The following TPTE variants were observed in gnomAD, a reference collection of about 807,000 sequenced individuals.
The protein encoded by TPTE is putative tyrosine-protein phosphatase TPTE.
In TPTE, 59 loss-of-function variants were observed where a neutral mutation model predicts 84.1. The observed-to-expected ratio is 0.70, with a 90% CI of 0.57 to 0.87. The LOEUF is 0.87. Among genes scored for constraint, TPTE ranks in the 40% least tolerant of loss-of-function variants. The pLI is 0.00. For synonymous variants in TPTE, 130 were observed against 223.5 expected (o/e 0.58, Z 3.73); for missense variants, 382 against 659.6 (o/e 0.58, Z 4.61).
intron 7 of TPTE, among the ~76,000 whole-genome samples, chr21:10,551,990 G>A (rs2074584378): frequency 6.6e-6 from 1 of 152,308 alleles, no homozygotes; most frequent in African/African-American, 2.4e-5. Context: ...AGAGCCATTT[G>A]CTACAGCAAA....
intron 20 of TPTE, 151 bp from the exon 21 acceptor site, chr21:10,597,864 G>A: frequency 3.5e-6 from 4 of 1,134,140 alleles, no homozygotes; most frequent in Non-Finnish European, 5.0e-6. Context: ...GTCTTTCAAA[G>A]ACAAAATCCA....
intron 3 of TPTE, among the ~76,000 whole-genome samples, chr21:10,532,620 A>T (rs1454552024): frequency 2.0e-5 from 3 of 152,310 alleles, no homozygotes; most frequent in Non-Finnish European, 4.4e-5. Context: ...ACTTCTTATT[A>T]ATGCTTATAT....
intron 20 of TPTE, among the ~76,000 whole-genome samples, chr21:10,597,414 T>TTC (rs2075608844): frequency 1.6e-5 from 1 of 62,544 alleles, no homozygotes; most frequent in Admixed American, 1.2e-4. Flanking sequence ...TCTTTTTTCT[T>TTC]TTTTTTTTTT....
At chr21:10,594,007 G>A (rs1389299797) in intron 19 of TPTE, among the ~76,000 whole-genome samples, 1 of 152,310 alleles carries the variant, frequency 6.6e-6, no homozygotes, top group African/African-American at 2.4e-5. Flanking sequence ...TAAGCTAAAA[G>A]TGATAGGTGA....
At chr21:10,535,337 G>A (rs530020705) in intron 3 of TPTE, among the ~76,000 whole-genome samples, 51 of 152,390 alleles carry the variant, frequency 3.3e-4, no homozygotes, top group Non-Finnish European at 4.9e-4. Context: ...TAACATACAC[G>A]CATGCATACA....
intron 17 of TPTE, among the ~76,000 whole-genome samples, chr21:10,582,004 G>A (rs1330180803): frequency 6.6e-6 from 1 of 152,310 alleles, no homozygotes; most frequent in Non-Finnish European, 1.5e-5. Flanking sequence ...CAAAGTGCTG[G>A]GATTACAGGC....
chr21:10,557,276 G>A (rs1167731542), intron 8 of TPTE, among the ~76,000 whole-genome samples: 1 of 152,312 alleles, frequency 6.6e-6, no homozygotes, highest in African/African-American at 2.4e-5. Context: ...CTGAGTCATA[G>A]TTATTTCCCT....
chr21:10,596,416 G>T (rs2075590417), intron 20 of TPTE, among the ~76,000 whole-genome samples: 2 of 152,312 alleles, frequency 1.3e-5, no homozygotes, highest in Admixed American at 6.5e-5. Flanking sequence ...GGAGGAGGAG[G>T]ACCCATGTGC....
chr21:10,571,769 A>C (rs1178343149), intron 14 of TPTE, among the ~76,000 whole-genome samples: 1 of 152,308 alleles, frequency 6.6e-6, no homozygotes, highest in African/African-American at 2.4e-5. Context: ...GCACTTTGAG[A>C]GGCCAAGGCA....
chr21:10,544,098 C>G (rs1331713394), intron 7 of TPTE, among the ~76,000 whole-genome samples: 4 of 152,308 alleles, frequency 2.6e-5, no homozygotes, highest in African/African-American at 7.2e-5. Context: ...GAAAACCTCT[C>G]CTGGAAATAA....
intron 3 of TPTE, among the ~76,000 whole-genome samples, chr21:10,536,148 C>T (rs1370555453): frequency 6.6e-6 from 1 of 152,306 alleles, no homozygotes; most frequent in Non-Finnish European, 1.5e-5. Context: ...TGTGGTGGTG[C>T]ATGCCTGTAA....
At position 10,537,577 on chromosome 21, in the gene TPTE, CTGAGGCAGGAGAA is replaced by C. The variant is rs1364055656; in HGVS notation, c.-43-1101_-43-1089del. On this transcript the variant is annotated intron_variant, in intron 3 of 23. Transcript: ENST00000618007. ...CCTGTAGTCCCAGCTACTCAGGAGG[CTGAGGCAGGAGAA>C]TGGCGTGAACCCGGGAGGTGGAGCT... is the stretch of plus-strand genomic sequence containing the variant. 5.3e-5 allele frequency among the ~76,000 whole-genome samples: 8 copies of C among 152,334 alleles called. No homozygotes were observed. The East Asian group carries it at 1.5e-3, about 29-fold the overall frequency.
intron 3 of TPTE, among the ~76,000 whole-genome samples, chr21:10,531,479 A>G (rs1204174841): frequency 6.6e-6 from 1 of 152,310 alleles, no homozygotes; most frequent in South Asian, 2.1e-4. Flanking sequence ...TGTGCAGCAC[A>G]CAACTGTGAG....
chr21:10,575,124 A>G (rs1433487678), intron 14 of TPTE, among the ~76,000 whole-genome samples: 185 of 151,912 alleles, frequency 1.2e-3, no homozygotes, highest in Non-Finnish European at 2.2e-3. Context: ...GGAGGTGGCG[A>G]GAGGCAGCCA....
chr21:10,592,683 A>AGT (rs2075504660), intron 19 of TPTE, among the ~76,000 whole-genome samples: 1 of 152,312 alleles, frequency 6.6e-6, no homozygotes, highest in Non-Finnish European at 1.5e-5. Flanking sequence ...AGGACTCTGA[A>AGT]GTGTGTCTAA....
chr21:10,560,702 CA>C (rs1384733633), intron 9 of TPTE, among the ~76,000 whole-genome samples: 1 of 152,306 alleles, frequency 6.6e-6, no homozygotes, highest in Non-Finnish European at 1.5e-5. Context: ...ATGAAATTCG[CA>C]AATTTTAAGA....
At chr21:10,552,109 C>G (rs1223557807) in intron 7 of TPTE, among the ~76,000 whole-genome samples, 4 of 152,300 alleles carry the variant, frequency 2.6e-5, no homozygotes, top group African/African-American at 7.2e-5. Flanking sequence ...CCTCCACCAG[C>G]AAAAGGTGAT....
intron 10 of TPTE, among the ~76,000 whole-genome samples, chr21:10,561,728 A>G (rs1285689385): frequency 1.3e-5 from 2 of 152,426 alleles, no homozygotes; most frequent in South Asian, 2.1e-4. Flanking sequence ...ACAATAAAAC[A>G]CTAGGTAGAC....
At chr21:10,572,793 G>C (rs1264635329) in intron 14 of TPTE, among the ~76,000 whole-genome samples, 1 of 144,708 alleles carries the variant, frequency 6.9e-6, no homozygotes, top group East Asian at 2.0e-4. Context: ...GATTACCATT[G>C]TCAAAAACAC....
Sources: gnomAD v4.1 joint callset for allele counts (sites outside exome capture counted in the v4.1 genomes callset) on GRCh38, gnomAD v4.1.1 for gene constraint, MANE v1.5 for transcripts, NCBI Gene and HGNC (gene_info 2026-07-23, HGNC 2026-07-21) for gene names.